CNOT7: variants seen among roughly 807,000 people sequenced by gnomAD.
The protein encoded by CNOT7 is CCR4-NOT transcription complex subunit 7.
Under a neutral mutation model 37.1 loss-of-function variants are expected in CNOT7, and 4 were observed. The ratio of observed to expected loss-of-function variants is 0.11; its 90% CI spans 0.05 to 0.25. The LOEUF (loss-of-function observed/expected upper bound fraction) is 0.25, where lower values mean the gene tolerates loss of function less well. Among genes scored for constraint, CNOT7 ranks in the 10% least tolerant of loss-of-function variants. The pLI, the probability that CNOT7 is intolerant of heterozygous loss-of-function variation, is 1.00. For synonymous variants in CNOT7, 128 were observed against 115.6 expected (o/e 1.11, Z -0.69); for missense variants, 170 against 336.2 (o/e 0.51, Z 3.87).
intron 4 of CNOT7, among the ~76,000 whole-genome samples, chr8:17,236,194 T>TG (rs1449026503): frequency 1.3e-5 from 2 of 152,190 alleles, no homozygotes; most frequent in Non-Finnish European, 2.9e-5. Context: ...GTTGCCCACA[T>TG]GAACAGTCCT....
chr8:17,243,945 T>C (rs1484464510), intron 2 of CNOT7, among the ~76,000 whole-genome samples: 2 of 152,224 alleles, frequency 1.3e-5, no homozygotes, highest in Non-Finnish European at 2.9e-5. Flanking sequence ...TTATTAAAAA[T>C]ACTGAGACAA....
intron 3 of CNOT7, chr8:17,241,658 C>T (rs1272516469): frequency 2.6e-5 from 4 of 152,108 alleles, no homozygotes; most frequent in Non-Finnish European, 5.9e-5. Flanking sequence ...AAGAACAATG[C>T]AATATTGCAA....
chr8:17,231,998 G>A (rs1158262349), intron 6 of CNOT7: 1 of 1,002,210 alleles, frequency 1.0e-6, no homozygotes, highest in Non-Finnish European at 1.2e-6. Context: ...TTTATCACCA[G>A]TTTAAACCTT....
chr8:17,240,697 G>A (rs964153821), intron 3 of CNOT7, among the ~76,000 whole-genome samples: 1 of 152,124 alleles, frequency 6.6e-6, no homozygotes, highest in Non-Finnish European at 1.5e-5. Context: ...TAATTCACTT[G>A]AACAAAAAGT....
At chr8:17,241,189 CCCTGTACCTGTAGTGCTAGCTACCTGTA>C (rs761954998) in intron 3 of CNOT7, 5 of 152,234 alleles carry the variant, frequency 3.3e-5, no homozygotes, top group Admixed American at 1.3e-4. Context: ...GGTTCAGCCT[CCCTGTACCTGTAGTGCTAGCTACCTGTA>C]CCTGTACCTG....
chr8:17,232,859 CAT>C (rs1383519880), intron 5 of CNOT7, among the ~76,000 whole-genome samples: 2 of 152,170 alleles, frequency 1.3e-5, no homozygotes, highest in African/African-American at 2.4e-5. Context: ...CAAGTACACT[CAT>C]AGTCTATCAA....
intron 3 of CNOT7, 128 bp from the exon 4 acceptor site, chr8:17,237,501 A>G (rs765291158): frequency 2.8e-5 from 20 of 717,070 alleles, no homozygotes; most frequent in Non-Finnish European, 4.6e-5. Context: ...ACCTGTTTCA[A>G]TGCTTTATAT....
chr8:17,230,951 AATG>A (rs1456995677), intron 6 of CNOT7, 103 bp from the exon 7 acceptor site: 1 of 776,216 alleles, frequency 1.3e-6, no homozygotes, highest in East Asian at 2.7e-5. Flanking sequence ...CACTGACAAT[AATG>A]ATGGCTCTTT....
chr8:17,238,073 A>C (rs977688116), intron 3 of CNOT7, among the ~76,000 whole-genome samples: 3 of 152,362 alleles, frequency 2.0e-5, no homozygotes, highest in South Asian at 2.1e-4. Flanking sequence ...AGCCAAAAAG[A>C]AAGCCATCTC....
Position 17,237,250 on chromosome 8 carries a change from C to T in CNOT7, c.435G>A (p.Val145=). Residue 145 remains valine (V), a synonymous_variant, in exon 4 of 7, where the codon GTG becomes GTA. Transcript: ENST00000361272. ...ACCATTTGACCCCTTCACAGAGGACCACTCCAGAAGTCATAAGAAGTTCTG... is the reference window on the plus strand; with the variant it reads ...ACCATTTGACCCCTTCACAGAGGACTACTCCAGAAGTCATAAGAAGTTCTG... ...YFAELLMTSG[V]VLCEGVKWLS... is the part of the protein sequence containing the mutation. 6.2e-7 allele frequency: 1 copy of T among 1,613,988 alleles called. No individual in the cohort carries two copies. The highest frequency in any genetic ancestry group is 1.1e-5 in the South Asian group (1 of 91,072).
chr8:17,244,345 A>G (rs1201083770), intron 2 of CNOT7: 1 of 152,264 alleles, frequency 6.6e-6, no homozygotes, highest in East Asian at 1.9e-4. Context: ...TTGCAGACCA[A>G]CAACGTTTCA....
In CNOT7 at chr8:17,246,795, C is replaced by G. The variant is rs978666899; in HGVS notation, c.-216G>C. 5 of 207,118 alleles carry G rather than the reference C, an allele frequency of 2.4e-5. No homozygotes were observed. Among genetic ancestry groups the G allele is most frequent in the South Asian group, 1.8e-4 (3 of 16,950 alleles). The allele number at this position is 207,118 out of a possible 1,614,324, so 12.8% of individuals were successfully genotyped here. On this transcript the variant is annotated 5_prime_UTR_variant, in exon 1 of 7. Coordinates refer to ENST00000361272, the MANE Select transcript of CNOT7 (RefSeq NM_013354.7). Reference sequence around the variant, plus strand: ...GCGGGTGCCCCATAGACACCTCTCGCCCAGCGAAGGGAAAGGCGAGCAGGA... The same window carrying G: ...GCGGGTGCCCCATAGACACCTCTCGGCCAGCGAAGGGAAAGGCGAGCAGGA...
rs1203919812 is a variant in CNOT7 at position 17,243,756 on chromosome 8, G to A, written c.118-571C>T. ...TAGGATGTTATCACTTCTCTATGTT[G>A]CCACTCTTTATCATCTGAGAAATCA... On this transcript the variant is annotated intron_variant, in intron 2 of 6. Transcript: ENST00000361272. 150 of 408,750 alleles carry A rather than the reference G, an allele frequency of 3.7e-4. 2 individuals carry two copies. Among genetic ancestry groups the A allele is most frequent in the Non-Finnish European group, 3.9e-5 (8 of 204,174 alleles). 25.3% of individuals were successfully genotyped at this position (408,750 alleles called of 1,614,324 possible). A position where few individuals can be genotyped will look rare whatever the true frequency, so the allele number is the denominator to read the frequency against.
At chr8:17,246,132 G>C (rs1355662951) in intron 1 of CNOT7, 1 of 152,014 alleles carries the variant, frequency 6.6e-6, no homozygotes, top group Non-Finnish European at 1.5e-5. Flanking sequence ...AAAACACAAA[G>C]ACTTGGAAAG....
intron 5 of CNOT7, among the ~76,000 whole-genome samples, chr8:17,233,927 C>T (rs559947426): frequency 1.3e-5 from 2 of 152,194 alleles, no homozygotes; most frequent in East Asian, 3.9e-4. Context: ...GTGATGGACA[C>T]CTGTTAATTC....
intron 4 of CNOT7, among the ~76,000 whole-genome samples, chr8:17,235,863 C>T (rs1809282843): frequency 6.6e-6 from 1 of 152,130 alleles, no homozygotes; most frequent in African/African-American, 2.4e-5. Flanking sequence ...AGATTCTAAA[C>T]TCCAAGAAGA....
chr8:17,231,978 AAAT>A (rs1808694789), intron 6 of CNOT7: 1 of 991,142 alleles, frequency 1.0e-6, no homozygotes, highest in South Asian at 4.6e-5. Flanking sequence ...TGACATGAGC[AAAT>A]AATATATTTA....
Position 17,234,832 on chromosome 8 carries a change from T to G in CNOT7, c.502A>C (p.Ile168Leu). Reference sequence around the variant, plus strand: ...TCAGGCAAGTTAGAGTTGGTTAGGATTTTGATTAAGTAGCCAAAGTCGTAA... The same window carrying G: ...TCAGGCAAGTTAGAGTTGGTTAGGAGTTTGATTAAGTAGCCAAAGTCGTAA... ...SGYDFGYLIK[I>L]LTNSNLPEEE... The change falls in exon 5 of 7, where the codon ATC becomes CTC. Residue 168 changes from isoleucine to leucine, a missense_variant. Ile to Leu is a conservative substitution (Grantham distance 5, BLOSUM62 2). Coordinates refer to ENST00000361272, the MANE Select transcript of CNOT7 (RefSeq NM_013354.7). The G allele has an allele frequency of 6.2e-7, 1 of 1,613,966 alleles. No individual in the cohort carries two copies.
intron 5 of CNOT7, 79 bp from the exon 6 acceptor site, chr8:17,232,616 G>T: frequency 8.1e-7 from 1 of 1,239,686 alleles, no homozygotes; most frequent in South Asian, 1.3e-5. Flanking sequence ...CTTAGACGCT[G>T]ACCAAAATAA....
Sources: allele counts gnomAD v4.1 joint callset (sites outside exome capture counted in the v4.1 genomes callset), GRCh38; gene constraint gnomAD v4.1.1; transcripts MANE v1.5; gene names NCBI Gene and HGNC (gene_info 2026-07-23, HGNC 2026-07-21).